LARGE1: variants seen among roughly 807,000 people sequenced by gnomAD.
The protein encoded by LARGE1 is xylosyl- and glucuronyltransferase LARGE1.
In LARGE1, 43 loss-of-function variants were observed where a neutral mutation model predicts 87.6. That is an observed-to-expected ratio of 0.49 (90% CI 0.38 to 0.63). The LOEUF is 0.63. LARGE1 is among the 30% of genes least tolerant of loss of function. The pLI is 0.00. For synonymous variants in LARGE1, 434 were observed against 394.6 expected, an observed-to-expected ratio of 1.10 and a Z score of -1.18; for missense variants, 802 against 1,000.2, an observed-to-expected ratio of 0.80 and a Z score of 2.67.
intron 6 of LARGE1, among the ~76,000 whole-genome samples, chr22:33,455,826 G>A (rs187241156): frequency 1.1e-3 from 166 of 151,538 alleles, no homozygotes; most frequent in African/African-American, 3.8e-3. Flanking sequence ...AAGTCTCCTC[G>A]GAGTCTGCAT....
chr22:33,691,465 C>T (rs1029843301), intron 2 of LARGE1, among the ~76,000 whole-genome samples: 2 of 152,090 alleles, frequency 1.3e-5, no homozygotes, highest in African/African-American at 4.8e-5. Context: ...CCAGTGGGCT[C>T]ATTTCTCACC....
chr22:33,271,775 C>T (rs1451031871), downstream of LARGE1, among the ~76,000 whole-genome samples: 1 of 152,234 alleles, frequency 6.6e-6, no homozygotes, highest in Non-Finnish European at 1.5e-5. Flanking sequence ...CGGACCTCAG[C>T]CTCCATTGGG....
At chr22:33,425,965 C>T (rs1182192303) in intron 7 of LARGE1, among the ~76,000 whole-genome samples, 1 of 152,078 alleles carries the variant, frequency 6.6e-6, no homozygotes. Flanking sequence ...CCAGGATGGT[C>T]TCGATTTCCT....
chr22:33,680,712 T>C (rs554405799), intron 2 of LARGE1, among the ~76,000 whole-genome samples: 2 of 152,266 alleles, frequency 1.3e-5, no homozygotes, highest in South Asian at 4.1e-4. Flanking sequence ...AAAGAGAATC[T>C]TGACTTTCAG....
intron 2 of LARGE1, among the ~76,000 whole-genome samples, chr22:33,726,480 C>G (rs2083276041): frequency 1.3e-5 from 2 of 152,162 alleles, no homozygotes; most frequent in Non-Finnish European, 2.9e-5. Flanking sequence ...TATATAAATA[C>G]TCGTAAACAC....
chr22:33,071,810 G>C, the LARGE1 span, among the ~76,000 whole-genome samples: 1 of 152,160 alleles, frequency 6.6e-6, no homozygotes, highest in South Asian at 2.1e-4. Context: ...GCCCACGTTT[G>C]GGAACTGCTG....
chr22:33,392,953 G>C (rs912129129), intron 7 of LARGE1, among the ~76,000 whole-genome samples: 4 of 152,106 alleles, frequency 2.6e-5, no homozygotes, highest in Admixed American at 6.5e-5. Context: ...TCTGAAAATA[G>C]GTGGCTTATA....
At chr22:33,867,997 A>G (rs1336176874) in intron 1 of LARGE1, among the ~76,000 whole-genome samples, 1 of 152,172 alleles carries the variant, frequency 6.6e-6, no homozygotes, top group Non-Finnish European at 1.5e-5. Flanking sequence ...ACCGGATCCA[A>G]GCAGCCTACC....
intron 1 of LARGE1, among the ~76,000 whole-genome samples, chr22:33,857,962 T>A (rs1601791768): frequency 6.6e-6 from 1 of 152,124 alleles, no homozygotes; most frequent in African/African-American, 2.4e-5. Flanking sequence ...GCTTCCAAAA[T>A]GGCGGCCGGT....
chr22:33,426,121 A>G (rs2066869051), intron 7 of LARGE1, among the ~76,000 whole-genome samples: 2 of 152,166 alleles, frequency 1.3e-5, no homozygotes, highest in Admixed American at 6.5e-5. Flanking sequence ...ACGCTAGTCT[A>G]GGGGTTATTA....
At chr22:33,820,755 C>T (rs1427790902) in intron 1 of LARGE1, among the ~76,000 whole-genome samples, 2 of 152,222 alleles carry the variant, frequency 1.3e-5, no homozygotes, top group African/African-American at 4.8e-5. Context: ...TGATTCACCA[C>T]CTTCTCATTC....
In LARGE1 at chr22:33,387,765, T is replaced by C. The variant is rs139651553; in HGVS notation, c.893-3461A>G. The stretch of plus-strand genomic sequence containing the variant: ...GATCATCCTCCCTGTTAGCCAGTCT[T>C]TTCTTTTGCGTGACTTTAATTTTTA... On this transcript the variant is annotated intron_variant, in intron 7 of 14. Coordinates refer to ENST00000397394, the MANE Select transcript of LARGE1 (RefSeq NM_133642.5). Among the ~76,000 whole-genome samples the C allele has an allele frequency of 2.6e-5, 4 of 152,332 alleles. No individual in the cohort carries two copies. In the East Asian group the frequency reaches 7.7e-4, roughly 29 times the overall value.
chr22:33,145,904 A>C, the LARGE1 span, among the ~76,000 whole-genome samples: 1 of 152,200 alleles, frequency 6.6e-6, no homozygotes, highest in South Asian at 2.1e-4. Context: ...AAAATTCAAC[A>C]TCCTGGGTGG....
At chr22:33,228,557 G>T (rs762182717) in intron 11 of LARGE1, among the ~76,000 whole-genome samples, 9 of 152,238 alleles carry the variant, frequency 5.9e-5, no homozygotes, top group Non-Finnish European at 1.2e-4. Context: ...AGCTGATGTT[G>T]CAGGACTTCC....
intron 4 of LARGE1, among the ~76,000 whole-genome samples, chr22:33,622,905 T>C (rs1197174077): frequency 1.3e-5 from 2 of 152,216 alleles, no homozygotes; most frequent in African/African-American, 4.8e-5. Flanking sequence ...TACCGCTATT[T>C]TTTAATTTAA....
At chr22:33,665,147 A>G (rs1002488625) in intron 2 of LARGE1, among the ~76,000 whole-genome samples, 59 of 152,170 alleles carry the variant, frequency 3.9e-4, no homozygotes, top group African/African-American at 1.3e-3. Context: ...CAGCATCTGT[A>G]AGCCAACCTT....
At chr22:33,697,645 A>C (rs1240593247) in intron 2 of LARGE1, among the ~76,000 whole-genome samples, 2 of 151,260 alleles carry the variant, frequency 1.3e-5, no homozygotes, top group South Asian at 4.2e-4. Flanking sequence ...ATAGTCCCAC[A>C]GCTAATTATT....
At chr22:33,276,414 A>G (rs528053752) in intron 14 of LARGE1, among the ~76,000 whole-genome samples, 11 of 152,320 alleles carry the variant, frequency 7.2e-5, no homozygotes, top group African/African-American at 2.4e-4. Context: ...CTACAATAGC[A>G]GAGTTAAGTA....
intron 6 of LARGE1, among the ~76,000 whole-genome samples, chr22:33,555,927 T>C (rs796263478): frequency 1.2e-5 from 1 of 82,910 alleles, no homozygotes; most frequent in African/African-American, 6.4e-5. Context: ...AGAGACTCCA[T>C]CTCAAAAAAA....
Sources: gnomAD v4.1 joint callset for allele counts (sites outside exome capture counted in the v4.1 genomes callset) on GRCh38, gnomAD v4.1.1 for gene constraint, MANE v1.5 for transcripts, NCBI Gene and HGNC (gene_info 2026-07-23, HGNC 2026-07-21) for gene names.